NEGR1: variants seen among roughly 807,000 people sequenced by gnomAD.
NEGR1 encodes neuronal growth regulator 1, also known as IgLON family member 4.
A neutral mutation model predicts 40.9 loss-of-function variants in NEGR1; 10 were observed. The observed-to-expected ratio is 0.24, with a 90% confidence interval of 0.15 to 0.42. The LOEUF (loss-of-function observed/expected upper bound fraction) is 0.42. NEGR1 is among the 10% of genes least tolerant of loss of function. NEGR1 has a pLI of 1.00. For missense variants in NEGR1, 352 were observed against 438.9 expected (o/e 0.80, Z 1.77); for synonymous variants, 185 against 166.8 (o/e 1.11, Z -0.84).
chr1:71,784,156 G>A (rs1440566690), intron 2 of NEGR1, among the ~76,000 whole-genome samples: 1 of 152,074 alleles, frequency 6.6e-6, no homozygotes, highest in Non-Finnish European at 1.5e-5. Flanking sequence ...CTAATCATCA[G>A]GGATAACCGG....
At chr1:71,510,405 G>A (rs1647064778) in intron 6 of NEGR1, among the ~76,000 whole-genome samples, 1 of 152,010 alleles carries the variant, frequency 6.6e-6, no homozygotes, top group South Asian at 2.1e-4. Context: ...AAAAGAGGAG[G>A]GAATTTGAAA....
At chr1:72,279,222 T>A (rs1420707690) in intron 1 of NEGR1, among the ~76,000 whole-genome samples, 1 of 152,168 alleles carries the variant, frequency 6.6e-6, no homozygotes, top group Non-Finnish European at 1.5e-5. Flanking sequence ...GAATTTCCCT[T>A]GGGTATTATA....
At chr1:72,233,007 T>C (rs1654424367) in intron 1 of NEGR1, among the ~76,000 whole-genome samples, 1 of 152,198 alleles carries the variant, frequency 6.6e-6, no homozygotes. Context: ...AGACAGTTAT[T>C]GGGTAAAGAT....
At chr1:71,702,921 A>C (rs1653749270) in intron 3 of NEGR1, among the ~76,000 whole-genome samples, 1 of 152,122 alleles carries the variant, frequency 6.6e-6, no homozygotes, top group East Asian at 1.9e-4. Context: ...GGAAAGAGAG[A>C]TTGGAATTCA....
chr1:71,403,439 T>C lies in NEGR1; in HGVS notation c.*4007A>G, dbSNP rs995322750. ...GTCTCTGTTGCTAACTCTGCTGTAT[T>C]TTACCAGGTAAAGGTTCTAAATAAT... On this transcript the variant is annotated 3_prime_UTR_variant, in exon 7 of 7. Coordinates refer to ENST00000357731, the MANE Select transcript of NEGR1 (RefSeq NM_173808.3). 6.6e-6 allele frequency: 1 copy of C among 152,490 alleles called. No homozygotes were observed. The highest frequency in any genetic ancestry group is 2.1e-4 in the South Asian group (1 of 4,830). The allele number at this position is 152,490 out of a possible 1,614,324, so 9.4% of individuals were successfully genotyped here. A position where few individuals can be genotyped will look rare whatever the true frequency, so the allele number is the denominator to read the frequency against.
intron 4 of NEGR1, among the ~76,000 whole-genome samples, chr1:71,654,717 T>A (rs1651823253): frequency 6.6e-6 from 1 of 152,154 alleles, no homozygotes; most frequent in Non-Finnish European, 1.5e-5. Context: ...ATTTATGAAA[T>A]CATTCTGACA....
At chr1:71,417,134 A>G (rs1317821157) in intron 6 of NEGR1, among the ~76,000 whole-genome samples, 1 of 152,172 alleles carries the variant, frequency 6.6e-6, no homozygotes, top group African/African-American at 2.4e-5. Flanking sequence ...CTTTTCTCCT[A>G]CAGCTTTTGC....
intron 1 of NEGR1, among the ~76,000 whole-genome samples, chr1:72,238,428 C>T (rs907614078): frequency 6.6e-6 from 1 of 151,756 alleles, no homozygotes; most frequent in African/African-American, 2.4e-5. Context: ...GAAATATTTA[C>T]TTATTACCTT....
intron 6 of NEGR1, among the ~76,000 whole-genome samples, chr1:71,579,473 T>C (rs529154454): frequency 6.6e-6 from 1 of 152,180 alleles, no homozygotes; most frequent in Non-Finnish European, 1.5e-5. Context: ...TACTGGTTAA[T>C]CTTATGTCCC....
chr1:71,987,920 C>A (rs1014525449), intron 1 of NEGR1, among the ~76,000 whole-genome samples: 3 of 150,900 alleles, frequency 2.0e-5, no homozygotes, highest in Non-Finnish European at 4.5e-5. Flanking sequence ...AGGAGCCCTT[C>A]ATTCAAAAAG....
intron 4 of NEGR1, among the ~76,000 whole-genome samples, chr1:71,646,223 C>CATAT (rs35613829): frequency 1.2e-4 from 18 of 151,686 alleles, no homozygotes; most frequent in Non-Finnish European, 2.2e-4. Flanking sequence ...TACATAAACA[C>CATAT]ATATATATAC....
At chr1:71,858,226 T>G (rs969156179) in intron 2 of NEGR1, among the ~76,000 whole-genome samples, 22 of 152,058 alleles carry the variant, frequency 1.4e-4, no homozygotes, top group Admixed American at 6.6e-5. Flanking sequence ...TATCCAAAGC[T>G]CACAGTGAAA....
intron 6 of NEGR1, among the ~76,000 whole-genome samples, chr1:71,430,651 T>A (rs1039017475): frequency 6.7e-6 from 1 of 148,224 alleles, no homozygotes; most frequent in Non-Finnish European, 1.5e-5. Context: ...TCTTATAGCT[T>A]TTTTTTAAAA....
Position 72,072,682 on chromosome 1 carries a change from C to T in NEGR1, c.177-137371G>A, listed in dbSNP as rs115647622. ...AACTGGATCTGGGCTCTCTGTGTAA[C>T]ACAAAGGCTGAGAGTCTTCTGGCTA... On this transcript the variant is annotated intron_variant, in intron 1 of 6. Coordinates refer to ENST00000357731, the MANE Select transcript of NEGR1 (RefSeq NM_173808.3). Among the ~76,000 whole-genome samples, 1,403 of 152,152 alleles carry T rather than the reference C, an allele frequency of 9.2e-3. 15 individuals carry two copies. Among genetic ancestry groups the T allele is most frequent in the Non-Finnish European group, 0.015 (995 of 67,992 alleles).
intron 1 of NEGR1, among the ~76,000 whole-genome samples, chr1:71,941,573 AG>A (rs1442112322): frequency 6.6e-6 from 1 of 152,102 alleles, no homozygotes; most frequent in Non-Finnish European, 1.5e-5. Flanking sequence ...AAGACAGTGA[AG>A]GGTGGTGGGA....
chr1:71,843,447 T>A (rs1659310031), intron 2 of NEGR1, among the ~76,000 whole-genome samples: 1 of 152,168 alleles, frequency 6.6e-6, no homozygotes, highest in Admixed American at 6.6e-5. Flanking sequence ...TGAAATGGTA[T>A]CAAACCAGGT....
At position 72,103,578 on chromosome 1, in the gene NEGR1, G is replaced by A. The variant is rs142384309; in HGVS notation, c.177-168267C>T. Among the ~76,000 whole-genome samples, 636 of 152,168 alleles carry A rather than the reference G, an allele frequency of 4.2e-3. 5 individuals carry two copies. Among genetic ancestry groups the A allele is most frequent in the Non-Finnish European group, 5.1e-3 (345 of 67,994 alleles). Reference sequence around the variant, plus strand: ...CAATTCACTAAGAAATAATAATCATGTCTAAAATATTAACTAAGGATCTGG... The same window carrying A: ...CAATTCACTAAGAAATAATAATCATATCTAAAATATTAACTAAGGATCTGG... On this transcript the variant is annotated intron_variant, in intron 1 of 6. Coordinates refer to ENST00000357731, the MANE Select transcript of NEGR1 (RefSeq NM_173808.3).
At chr1:72,198,474 C>T (rs1358971799) in intron 1 of NEGR1, among the ~76,000 whole-genome samples, 1 of 151,892 alleles carries the variant, frequency 6.6e-6, no homozygotes, top group East Asian at 1.9e-4. Flanking sequence ...GATTACTAAC[C>T]TCTGGAAGGT....
chr1:72,139,072 A>T (rs1010472041), intron 1 of NEGR1, among the ~76,000 whole-genome samples: 1 of 147,742 alleles, frequency 6.8e-6, no homozygotes, highest in African/African-American at 2.5e-5. Flanking sequence ...TAAATATTGG[A>T]AACACATATC....
Sources: allele counts gnomAD v4.1 joint callset (sites outside exome capture counted in the v4.1 genomes callset), GRCh38; gene constraint gnomAD v4.1.1; transcripts MANE v1.5; gene names NCBI Gene and HGNC (gene_info 2026-07-23, HGNC 2026-07-21).